The following COL9A3 variants were observed in gnomAD, a reference collection of about 807,000 sequenced individuals.
COL9A3 encodes collagen alpha-3(IX) chain.
COL9A3 carries 82 observed loss-of-function variants against 110.2 expected under a neutral mutation model. The ratio of observed to expected loss-of-function variants is 0.74; its 90% confidence interval spans 0.62 to 0.89. The LOEUF (loss-of-function observed/expected upper bound fraction) is 0.89. COL9A3 is among the 40% of genes least tolerant of loss of function. The probability of loss-of-function intolerance (pLI) is 0.00; values close to 1 mark genes in which losing one functional copy is unlikely to be tolerated. For synonymous variants in COL9A3, 494 were observed against 403.8 expected (o/e 1.22, Z -2.68); for missense variants, 1,066 against 981.3 (o/e 1.09, Z -1.15).
At chr20:62,817,976 G>A (rs1850700464) in intron 2 of COL9A3, 2 of 407,446 alleles carry the variant, frequency 4.9e-6, no homozygotes, top group Non-Finnish European at 9.5e-6. Context: ...GGGGCCGGGG[G>A]TCTTGTTGGA....
intron 31 of COL9A3, among the ~76,000 whole-genome samples, chr20:62,839,229 T>C (rs374323096): frequency 8.1e-6 from 1 of 123,574 alleles, no homozygotes. Context: ...AGACTCCATC[T>C]CAAAAAAAAA....
intron 15 of COL9A3, 90 bp from the exon 16 acceptor site, chr20:62,827,151 C>G (rs2063559729): frequency 7.8e-7 from 1 of 1,279,014 alleles, no homozygotes. Flanking sequence ...GGAGGGCTGT[C>G]CCCCGCCCGG....
rs2063581621 is a variant in COL9A3 at position 62,829,788 on chromosome 20, A to G, written c.1130A>G (p.Glu377Gly). Residue 377 changes from glutamate (E) to glycine (G), a missense_variant, in exon 22 of 32, where the codon GAG becomes GGG. By Grantham distance (98) the Glu-to-Gly change is moderately conservative. Transcript: ENST00000649368. Reference sequence around the variant, plus strand: ...TAGGGAGATGCTGGCATGCCTGGGGAGCGCGGTGAGGCTGGCCACCGGGGC... The same window carrying G: ...TAGGGAGATGCTGGCATGCCTGGGGGGCGCGGTGAGGCTGGCCACCGGGGC... ...GVPGDAGMPGERGEAGHRGSA... is the reference protein window; with the variant it reads ...GVPGDAGMPGGRGEAGHRGSA... The G allele has an allele frequency of 1.3e-6, 2 of 1,585,814 alleles. No individual in the cohort carries two copies. The highest frequency in any genetic ancestry group is 1.7e-6 in the Non-Finnish European group (2 of 1,166,656).
chr20:62,828,971 C>G lies in COL9A3; in HGVS notation c.1003C>G (p.Leu335Val). Residue 335 changes from leucine (L) to valine (V), a missense_variant, in exon 19 of 32, where the codon CTG (leucine) becomes GTG (valine). By Grantham distance (32) the Leu-to-Val change is conservative (BLOSUM62 1). Transcript: ENST00000649368. ...TCCGGGAGAGAAGGGCCCCAACGGG[C>G]TGCCGGTGAGTGCCCGGCGGGTGGG... is the stretch of plus-strand genomic sequence containing the variant. ...GAPGEKGPNG[L>V]PGLPGRAGSK... 3 of 1,607,124 alleles carry G rather than the reference C, an allele frequency of 1.9e-6. No homozygotes were observed. The highest frequency in any genetic ancestry group is 2.5e-6 in the Non-Finnish European group (3 of 1,178,410).
In COL9A3 at chr20:62,829,872, C is replaced by T. The variant is rs2063582552; in HGVS notation, c.1161+53C>T. ...GGGGGTTAGCACTGAGCCATTGGCA[C>T]ATGGCCCCAGTTTCTGAGCAGGCCG... is the stretch of plus-strand genomic sequence containing the variant. On this transcript the variant is annotated intron_variant, in intron 22 of 31. Coordinates refer to ENST00000649368, the MANE Select transcript of COL9A3 (RefSeq NM_001853.4). 3.9e-6 allele frequency: 6 copies of T among 1,530,906 alleles called. No individual in the cohort carries two copies. In the East Asian group the frequency reaches 1.2e-4, roughly 31 times the overall value. 94.8% of individuals were successfully genotyped at this position (1,530,906 alleles called of 1,614,324 possible). A position where few individuals can be genotyped will look rare whatever the true frequency, so the allele number is the denominator to read the frequency against.
At chr20:62,817,014 C>CCCGCCCGCGCG (rs1228923281), upstream of COL9A3, 413 of 1,120,424 alleles carry the variant, frequency 3.7e-4, no homozygotes, top group Non-Finnish European at 4.4e-4. Flanking sequence ...TCCCGCCCCG[C>CCCGCCCGCGCG]CCGCCCGCGC....
At chr20:62,822,567 G>A (rs1488678286) in intron 9 of COL9A3, 24 bp from the exon 10 acceptor site, 2 of 1,611,836 alleles carry the variant, frequency 1.2e-6, no homozygotes, top group African/African-American at 1.3e-5. Flanking sequence ...GCGGGAGAAT[G>A]TCAGCTGTCT....
At chr20:62,818,227 T>G (rs1271980370) in intron 2 of COL9A3, among the ~76,000 whole-genome samples, 2 of 152,140 alleles carry the variant, frequency 1.3e-5, no homozygotes, top group African/African-American at 4.8e-5. Context: ...TGGAGGGCTG[T>G]GGAGGGCTGC....
chr20:62,817,829 G>T (rs1259576280), intron 2 of COL9A3, 194 bp downstream of exon 2: 1 of 678,102 alleles, frequency 1.5e-6, no homozygotes. Context: ...GGGGTGGAGG[G>T]TGTCATGTGG....
At chr20:62,817,683 C>G in intron 2 of COL9A3, 48 bp downstream of exon 2, 1 of 1,306,452 alleles carries the variant, frequency 7.7e-7, no homozygotes, top group Non-Finnish European at 1.0e-6. Context: ...GGTTCTGGCT[C>G]TGGCCCCCAC....
intron 4 of COL9A3, 152 bp from the exon 5 acceptor site, chr20:62,819,777 G>C: frequency 1.2e-6 from 1 of 855,886 alleles, no homozygotes; most frequent in Non-Finnish European, 1.9e-6. Context: ...CAGGCAGACA[G>C]TGGACAGGGC....
chr20:62,829,896 C>A, intron 22 of COL9A3, 77 bp downstream of exon 22: 1 of 1,506,750 alleles, frequency 6.6e-7, no homozygotes, highest in South Asian at 1.2e-5. Context: ...CTGAGCAGGC[C>A]GGGGTGGCAT....
Position 62,817,068 on chromosome 20 carries a change from G to A in COL9A3, c.4G>A (p.Ala2Thr). The A allele has an allele frequency of 1.5e-6, 2 of 1,377,150 alleles. No homozygotes were observed. Among genetic ancestry groups the A allele is most frequent in the South Asian group, 1.5e-5 (1 of 68,276 alleles). 85.3% of individuals were successfully genotyped at this position (1,377,150 alleles called of 1,614,324 possible). A position where few individuals can be genotyped will look rare whatever the true frequency, so the allele number is the denominator to read the frequency against. Residue 2 changes from alanine to threonine, a missense_variant, in exon 1 of 32, where the codon GCC (alanine) becomes ACC (threonine). Coordinates refer to ENST00000649368, the MANE Select transcript of COL9A3 (RefSeq NM_001853.4). ...GCAGCTCAGACTCCGCTCAGCCATG[G>A]CCGGGCCGCGCGCGTGCGCCCCGCT... The part of the protein sequence containing the change: M[A>T]GPRACAPLLL...
At chr20:62,817,357 G>A in intron 1 of COL9A3, 1 of 502,692 alleles carries the variant, frequency 2.0e-6, no homozygotes, top group Non-Finnish European at 3.4e-6. Flanking sequence ...CGCCTCCTCT[G>A]GGAGCACAAG....
intron 11 of COL9A3, 44 bp from the exon 12 acceptor site, chr20:62,824,924 G>A (rs1192147404): frequency 5.7e-6 from 9 of 1,583,290 alleles, no homozygotes; most frequent in Non-Finnish European, 7.7e-6. Flanking sequence ...GGGAGGGGGT[G>A]TCGGGGGGTC....
chr20:62,838,508 G>A (rs2063652059), intron 30 of COL9A3, among the ~76,000 whole-genome samples, 176 bp from the exon 31 acceptor site: 1 of 152,214 alleles, frequency 6.6e-6, no homozygotes, highest in African/African-American at 2.4e-5. Flanking sequence ...TGTACAGGTG[G>A]GTCCCTCTCG....
rs1063246 is a variant in COL9A3 at position 62,840,764 on chromosome 20, G to A, written c.*32G>A. The A allele has an allele frequency of 1.9e-5, 30 of 1,551,040 alleles. No homozygotes were observed. Among genetic ancestry groups the A allele is most frequent in the East Asian group, 2.4e-5 (1 of 41,012 alleles). On this transcript the variant is annotated 3_prime_UTR_variant, in exon 32 of 32. Coordinates refer to ENST00000649368, the MANE Select transcript of COL9A3 (RefSeq NM_001853.4). ...ACGTGAGGAAGCAAGTGACAAGGAC[G>A]CCCGAAGCACAGTGGACGGTCATGA...
chr20:62,834,521 G>A (rs1469346416), intron 26 of COL9A3, among the ~76,000 whole-genome samples: 1 of 152,224 alleles, frequency 6.6e-6, no homozygotes, highest in Non-Finnish European at 1.5e-5. Context: ...CTTTGCGTCT[G>A]GGTGAAATAG....
rs1476182014 is a variant in COL9A3 at position 62,840,648 on chromosome 20, G to T, written c.1971G>T (p.Gly657=). Residue 657 remains glycine (G), a synonymous_variant, in exon 32 of 32, where the codon GGG becomes GGT. Transcript: ENST00000649368. The part of the protein sequence containing the change: ...PGLPGAIGAQ[G]TPGICDTSAC... ...TTCCAGGTGCCATTGGGGCCCAGGGGACACCGGGGATCTGCGACACCTCAG... is the reference window on the plus strand; with the variant it reads ...TTCCAGGTGCCATTGGGGCCCAGGGTACACCGGGGATCTGCGACACCTCAG... 3.7e-6 allele frequency: 6 copies of T among 1,610,082 alleles called. No individual in the cohort carries two copies. Among genetic ancestry groups the T allele is most frequent in the Non-Finnish European group, 5.1e-6 (6 of 1,178,648 alleles).
Sources: allele counts gnomAD v4.1 joint callset (sites outside exome capture counted in the v4.1 genomes callset), GRCh38; gene constraint gnomAD v4.1.1; transcripts MANE v1.5; gene names NCBI Gene and HGNC (gene_info 2026-07-23, HGNC 2026-07-21).